The following GCSAML variants were observed in gnomAD, a reference collection of about 807,000 sequenced individuals.
GCSAML encodes the protein germinal center associated signaling and motility like.
GCSAML carries 9 observed loss-of-function variants against 13.0 expected under a neutral mutation model. The ratio of observed to expected loss-of-function variants is 0.69; its 90% CI spans 0.42 to 1.21. The LOEUF is 1.21. Ranked by LOEUF, GCSAML falls within the 50% of genes most tolerant of loss-of-function variation. GCSAML has a pLI of 0.00. For synonymous variants in GCSAML, 37 were observed against 52.9 expected, an observed-to-expected ratio of 0.70 and a Z score of 1.31; for missense variants, 143 against 153.4, an observed-to-expected ratio of 0.93 and a Z score of 0.36.
chr1:247,538,969 A>G (rs1667318979), intron 2 of GCSAML, among the ~76,000 whole-genome samples: 2 of 152,194 alleles, frequency 1.3e-5, no homozygotes, highest in South Asian at 4.1e-4. Context: ...GTTGATGACA[A>G]CTGAGAACTC....
intron 2 of GCSAML, among the ~76,000 whole-genome samples, chr1:247,543,188 T>C (rs897621690): frequency 3.9e-5 from 6 of 152,202 alleles, no homozygotes; most frequent in African/African-American, 1.4e-4. Context: ...TGTCTTTCAA[T>C]TGGAAGCATA....
At chr1:247,524,645 A>C (rs1484117433) in intron 1 of GCSAML, 1 of 152,218 alleles carries the variant, frequency 6.6e-6, no homozygotes, top group Non-Finnish European at 1.5e-5. Context: ...ATTTCTTTGA[A>C]TGAAATAATG....
chr1:247,519,691 ATATG>A (rs1452838265), intron 1 of GCSAML, among the ~76,000 whole-genome samples: 27 of 152,368 alleles, frequency 1.8e-4, no homozygotes, highest in Admixed American at 2.6e-4. Flanking sequence ...TCAGTTGTGT[ATATG>A]TGTGTGTGAA....
intron 1 of GCSAML, among the ~76,000 whole-genome samples, chr1:247,511,550 C>T (rs556848281): frequency 6.6e-6 from 1 of 152,254 alleles, no homozygotes; most frequent in South Asian, 2.1e-4. Context: ...GAATTTGATC[C>T]TGTCATTATG....
intron 4 of GCSAML, among the ~76,000 whole-genome samples, chr1:247,568,975 A>G (rs1016634961): frequency 6.4e-5 from 9 of 140,830 alleles, no homozygotes; most frequent in African/African-American, 1.8e-4. Flanking sequence ...TGCAATTGTG[A>G]ATGGGAGTCC....
At chr1:247,511,186 A>G (rs1666023400) in intron 1 of GCSAML, among the ~76,000 whole-genome samples, 1 of 152,138 alleles carries the variant, frequency 6.6e-6, no homozygotes, top group Non-Finnish European at 1.5e-5. Context: ...AACTTGCTTT[A>G]TGAATCTGGG....
At chr1:247,529,214 G>T (rs372467871) in intron 2 of GCSAML, 1 of 152,114 alleles carries the variant, frequency 6.6e-6, no homozygotes, top group South Asian at 2.1e-4. Flanking sequence ...TTCCATGCCC[G>T]AACCATTTAC....
In GCSAML at chr1:247,565,694, A is replaced by G. The variant is rs189253315; in HGVS notation, c.140-237A>G. The G allele has an allele frequency of 1.1e-4, 51 of 445,876 alleles. No individual in the cohort carries two copies. In the East Asian group the frequency reaches 1.8e-3, roughly 16 times the overall value. 27.6% of individuals were successfully genotyped at this position (445,876 alleles called of 1,614,324 possible). On this transcript the variant is annotated intron_variant, in intron 3 of 4. Transcript: ENST00000366488. ...TACATTAATGTGCTTTATTTACAGA[A>G]AGAACATACTATTGATGCTATCTCA...
At chr1:247,516,337 C>G (rs901214496) in intron 1 of GCSAML, among the ~76,000 whole-genome samples, 1 of 152,194 alleles carries the variant, frequency 6.6e-6, no homozygotes, top group African/African-American at 2.4e-5. Flanking sequence ...ACGTCTGCGA[C>G]AGAGCAATTA....
chr1:247,528,212 A>G (rs1406843833), intron 2 of GCSAML: 2 of 151,894 alleles, frequency 1.3e-5, no homozygotes, highest in Admixed American at 6.6e-5. Context: ...AGCCCCCAAA[A>G]TTGTATAATT....
At chr1:247,518,485 A>C (rs1323307379) in intron 1 of GCSAML, 1 of 152,078 alleles carries the variant, frequency 6.6e-6, no homozygotes, top group African/African-American at 2.4e-5. Context: ...CTAGCGCCGC[A>C]CCCGCTTCAA....
At chr1:247,517,017 T>C (rs529158334) in intron 1 of GCSAML, among the ~76,000 whole-genome samples, 1 of 152,336 alleles carries the variant, frequency 6.6e-6, no homozygotes, top group South Asian at 2.1e-4. Flanking sequence ...ATCCTGATTA[T>C]TCTGCTTAAC....
At position 247,574,561 on chromosome 1, in the gene GCSAML, G is replaced by A. The variant is rs1487640571; in HGVS notation, c.*179G>A. ...TATGTGGCATCTCTGTGGCTTAGGT[G>A]AAATCATAGAAATTGACACAATGAC... On this transcript the variant is annotated 3_prime_UTR_variant, in exon 5 of 5. Coordinates refer to ENST00000366488, the MANE Select transcript of GCSAML (RefSeq NM_145278.5). 4.9e-6 allele frequency: 3 copies of A among 617,672 alleles called. No individual in the cohort carries two copies. Among genetic ancestry groups the A allele is most frequent in the East Asian group, 2.8e-5 (1 of 35,656 alleles). 38.3% of individuals were successfully genotyped at this position (617,672 alleles called of 1,614,324 possible).
chr1:247,511,202 C>A lies in GCSAML; in HGVS notation c.-263+3969C>A, dbSNP rs1327222320. The stretch of plus-strand genomic sequence containing the variant: ...ACTTGCTTTATGAATCTGGGCGCTC[C>A]TATATTGGGTGCATATATATTCAGG... On this transcript the variant is annotated intron_variant, in intron 1 of 5. Transcript: ENST00000366489. Among the ~76,000 whole-genome samples the A allele has an allele frequency of 2.0e-5, 3 of 152,258 alleles. No individual in the cohort carries two copies. The East Asian group carries it at 5.8e-4, about 29-fold the overall frequency.
intron 1 of GCSAML, among the ~76,000 whole-genome samples, chr1:247,516,730 C>A (rs543919646): frequency 6.6e-6 from 1 of 152,222 alleles, no homozygotes; most frequent in Non-Finnish European, 1.5e-5. Flanking sequence ...GCATTTGTAA[C>A]CCTCTGTTTA....
At chr1:247,522,114 G>A (rs1393664907) in intron 1 of GCSAML, among the ~76,000 whole-genome samples, 12 of 150,862 alleles carry the variant, frequency 8.0e-5, no homozygotes, top group Admixed American at 1.3e-4. Context: ...CAGCCGCCCC[G>A]TCTGAGAAGT....
chr1:247,555,285 G>A (rs553329183), intron 1 of GCSAML, among the ~76,000 whole-genome samples: 3 of 152,208 alleles, frequency 2.0e-5, no homozygotes, highest in Non-Finnish European at 2.9e-5. Context: ...AGATGGAATC[G>A]TGAGAAAACT....
chr1:247,566,046 T>C, intron 4 of GCSAML, 87 bp downstream of exon 4: 1 of 842,728 alleles, frequency 1.2e-6, no homozygotes, highest in Middle Eastern at 3.5e-4. Context: ...AGATGATTTA[T>C]TCAAGAGTAG....
chr1:247,550,648 C>CA (rs1191447026), intron 1 of GCSAML, among the ~76,000 whole-genome samples: 4 of 139,242 alleles, frequency 2.9e-5, no homozygotes, highest in African/African-American at 1.2e-4. Flanking sequence ...AATAAACAAA[C>CA]AAACAAAAAA....
Sources: gnomAD v4.1 joint callset for allele counts (sites outside exome capture counted in the v4.1 genomes callset) on GRCh38, gnomAD v4.1.1 for gene constraint, MANE v1.5 for transcripts, NCBI Gene and HGNC (gene_info 2026-07-23, HGNC 2026-07-21) for gene names.